Variants in LOXL1 observed in about 807,000 individuals in gnomAD.
LOXL1 encodes lysyl oxidase like 1, also known as lysyl oxidase homolog 1.
Under a neutral mutation model 62.2 loss-of-function variants are expected in LOXL1, and 31 were observed. The observed-to-expected ratio is 0.50, with a 90% CI of 0.37 to 0.67. The LOEUF (loss-of-function observed/expected upper bound fraction) is 0.67, where lower values mean the gene tolerates loss of function less well. Ranked by LOEUF, LOXL1 falls within the 30% of genes least tolerant of loss-of-function variation. The probability of loss-of-function intolerance (pLI) is 0.00; values close to 1 mark genes in which losing one functional copy is unlikely to be tolerated. For missense variants in LOXL1, 775 were observed against 843.4 expected (o/e 0.92, Z 1.00); for synonymous variants, 403 against 384.4 (o/e 1.05, Z -0.56).
chr15:73,930,599 G>A lies in LOXL1; in HGVS notation c.1102+2714G>A, dbSNP rs2068628878. 1.3e-5 allele frequency among the ~76,000 whole-genome samples: 2 copies of A among 152,154 alleles called. No homozygotes were observed. The highest frequency in any genetic ancestry group is 2.9e-5 in the Non-Finnish European group (2 of 68,018). Reference sequence around the variant, plus strand: ...CATTCCTCCTGGCCACACACCCAGGGGTCTGAGGCTGGGCGCTGGCAGCCT... The same window carrying A: ...CATTCCTCCTGGCCACACACCCAGGAGTCTGAGGCTGGGCGCTGGCAGCCT... On this transcript the variant is annotated intron_variant, in intron 1 of 6. Transcript: ENST00000261921. The surrounding 1 kb of genome is among the most constrained non-coding windows in gnomAD (Gnocchi z 4.7).
At chr15:73,929,113 G>A (rs1173691488) in intron 1 of LOXL1, among the ~76,000 whole-genome samples, 3 of 152,218 alleles carry the variant, frequency 2.0e-5, no homozygotes, top group South Asian at 2.1e-4. Context: ...AGTGCTGGAC[G>A]GCCATCAGCC....
At chr15:73,935,708 GT>G (rs965209887) in intron 1 of LOXL1, among the ~76,000 whole-genome samples, 1 of 152,182 alleles carries the variant, frequency 6.6e-6, no homozygotes, top group Non-Finnish European at 1.5e-5. Flanking sequence ...GGTTAGCATT[GT>G]CTGCCTCCCC....
In LOXL1 at chr15:73,927,040, G is replaced by T. The variant is rs900043835; in HGVS notation, c.257G>T (p.Arg86Leu). Residue 86 changes from arginine to leucine, a missense_variant, in exon 1 of 7, where the codon CGG becomes CTG. By Grantham distance (102) the Arg-to-Leu change is moderately radical. Coordinates refer to ENST00000261921, the MANE Select transcript of LOXL1 (RefSeq NM_005576.4). ...LLAGAPQAQQ[R>L]RSHGSPRRRQ... ...GCCGGCGCGCCCCAGGCCCAGCAGC[G>T]GCGCAGCCACGGGAGCCCCCGGCGT... The T allele has an allele frequency of 7.4e-6, 10 of 1,352,652 alleles. No individual in the cohort carries two copies. The African/African-American group carries it at 1.4e-4, about 19-fold the overall frequency. 83.8% of individuals were successfully genotyped at this position (1,352,652 alleles called of 1,614,324 possible).
In LOXL1 at chr15:73,930,800, C is replaced by A. The variant is rs1246964973; in HGVS notation, c.1102+2915C>A. On this transcript the variant is annotated intron_variant, in intron 1 of 6. Transcript: ENST00000261921. The surrounding 1 kb of genome is among the most constrained non-coding windows in gnomAD (Gnocchi z 4.7). ...CACTGAGACTGCCCAAGGCTTCCTG[C>A]AGTACCATTCTCTCCAACTCTGAAA... Among the ~76,000 whole-genome samples the A allele has an allele frequency of 6.6e-6, 1 of 152,174 alleles. No homozygotes were observed. Among genetic ancestry groups the A allele is most frequent in the Admixed American group, 6.5e-5 (1 of 15,280 alleles).
In LOXL1 at chr15:73,951,856, G is replaced by T. The variant is rs1304218997; in HGVS notation, c.*19G>T. On this transcript the variant is annotated 3_prime_UTR_variant, in exon 7 of 7. Transcript: ENST00000261921. ...ATCCTGATCTCCGGGAGGGACAGAT[G>T]GCCAATCTCTCCCCTTCCAAAGCAG... 2 of 1,537,728 alleles carry T rather than the reference G, an allele frequency of 1.3e-6. No homozygotes were observed. The highest frequency in any genetic ancestry group is 1.2e-5 in the South Asian group (1 of 82,328).
intron 1 of LOXL1, among the ~76,000 whole-genome samples, chr15:73,932,095 C>A (rs2068639128): frequency 6.6e-6 from 1 of 152,126 alleles, no homozygotes; most frequent in Non-Finnish European, 1.5e-5. Flanking sequence ...GTGAGATGAC[C>A]CAGGAGGATA....
rs13329473 is a variant in LOXL1, at chr15:73,947,184, C to G, written c.1467C>G (p.Phe489Leu). Residue 489 changes from phenylalanine (F) to leucine (L), a missense_variant, in exon 4 of 7, where the codon TTC becomes TTG. Transcript: ENST00000261921. ...SFCLEDSTCD[F>L]GNLKRYACTS... ...GCCTGGAGGACAGCACCTGTGACTTCGGCAACCTCAAGCGCTATGCATGCA... is the reference window on the plus strand; with the variant it reads ...GCCTGGAGGACAGCACCTGTGACTTGGGCAACCTCAAGCGCTATGCATGCA... The G allele has an allele frequency of 6.2e-7, 1 of 1,613,156 alleles. No individual in the cohort carries two copies. The highest frequency in any genetic ancestry group is 1.3e-5 in the African/African-American group (1 of 74,936).
chr15:73,950,972 G>A (rs2068780687), intron 6 of LOXL1, among the ~76,000 whole-genome samples: 1 of 152,230 alleles, frequency 6.6e-6, no homozygotes, highest in Admixed American at 6.5e-5. Flanking sequence ...TCCCATCACT[G>A]GCAGTTTGGC....
rs1179821495 is a variant in LOXL1 at position 73,927,260 on chromosome 15, G to C, written c.477G>C (p.Ser159=). The C allele has an allele frequency of 1.2e-6, 2 of 1,601,192 alleles. No homozygotes were observed. Among genetic ancestry groups the C allele is most frequent in the Non-Finnish European group, 1.7e-6 (2 of 1,177,498 alleles). The change falls in exon 1 of 7, where the codon TCG becomes TCC. Residue 159 remains serine (S), a synonymous_variant. Transcript: ENST00000261921. ...ACGGGGGCTCCGCCTCCTCGGTCTC[G>C]GCTTCGGCCTTCGCCAGCACCTACC... ...QRHGGSASSV[S]ASAFASTYRQ...
Position 73,927,780 on chromosome 15 carries a change from C to A in LOXL1, c.997C>A (p.Pro333Thr). ...PPRALEPPYL[P>T]VRSSDTPPPG... is the part of the protein sequence containing the mutation. ...GCGCGCGCTGGAGCCGCCCTACCTG[C>A]CGGTGCGCAGCTCCGACACGCCCCC... Residue 333 changes from proline to threonine, a missense_variant, in exon 1 of 7, where the codon CCG becomes ACG. By Grantham distance (38) the Pro-to-Thr change is conservative. Transcript: ENST00000261921. The A allele has an allele frequency of 7.0e-7, 1 of 1,426,610 alleles. No homozygotes were observed. Among genetic ancestry groups the A allele is most frequent in the Non-Finnish European group, 9.1e-7 (1 of 1,096,788 alleles). 88.4% of individuals were successfully genotyped at this position (1,426,610 alleles called of 1,614,324 possible).
intron 2 of LOXL1, 120 bp downstream of exon 2, chr15:73,943,082 C>A: frequency 1.3e-6 from 1 of 745,202 alleles, no homozygotes. Flanking sequence ...GCCAAGTGCC[C>A]CAGCCTCCCA....
chr15:73,946,630 C>A, intron 3 of LOXL1, 76 bp downstream of exon 3: 1 of 1,502,746 alleles, frequency 6.7e-7, no homozygotes, highest in Non-Finnish European at 9.0e-7. Flanking sequence ...GAGCTCCCCT[C>A]CCACCATGAG....
At position 73,927,783 on chromosome 15, in the gene LOXL1, G is replaced by T; in HGVS notation, c.1000G>T (p.Val334Leu). 2.1e-6 allele frequency: 3 copies of T among 1,422,250 alleles called. No homozygotes were observed. Among genetic ancestry groups the T allele is most frequent in the Non-Finnish European group, 2.7e-6 (3 of 1,095,022 alleles). The allele number at this position is 1,422,250 out of a possible 1,614,324, so 88.1% of individuals were successfully genotyped here. ...PRALEPPYLP[V>L]RSSDTPPPGG... is the part of the protein sequence containing the mutation. ...CGCGCTGGAGCCGCCCTACCTGCCGGTGCGCAGCTCCGACACGCCCCCGCC... is the reference window on the plus strand; with the variant it reads ...CGCGCTGGAGCCGCCCTACCTGCCGTTGCGCAGCTCCGACACGCCCCCGCC... The change falls in exon 1 of 7, where the codon GTG (valine) becomes TTG (leucine). Residue 334 changes from valine (V) to leucine (L), a missense_variant. Val to Leu is a conservative substitution (Grantham distance 32). Coordinates refer to ENST00000261921, the MANE Select transcript of LOXL1 (RefSeq NM_005576.4).
intron 1 of LOXL1, among the ~76,000 whole-genome samples, chr15:73,938,936 G>C (rs1237658306): frequency 6.6e-6 from 1 of 152,142 alleles, no homozygotes; most frequent in Non-Finnish European, 1.5e-5. Context: ...ACCTTCACCA[G>C]GTCCAGGATC....
In LOXL1 at chr15:73,942,870, C is replaced by T. The variant is rs746402997; in HGVS notation, c.1119C>T (p.Val373=). Residue 373 remains valine (V), a synonymous_variant, in exon 2 of 7, where the codon GTC becomes GTT. Transcript: ENST00000261921. ...NQNGRGLPDL[V]PDPNYVQAST... is the part of the protein sequence containing the mutation. ...CCACTCCAGGTCTCCCTGACTTGGT[C>T]CCAGACCCCAACTATGTGCAAGCAT... The T allele has an allele frequency of 6.2e-7, 1 of 1,613,556 alleles. No individual in the cohort carries two copies.
At position 73,927,706 on chromosome 15, in the gene LOXL1, G is replaced by A; in HGVS notation, c.923G>A (p.Gly308Asp). The change falls in exon 1 of 7, where the codon GGC becomes GAC. Residue 308 changes from glycine to aspartate, a missense_variant. Transcript: ENST00000261921. The part of the protein sequence containing the change: ...AQAHGGDPRL[G>D]WYPPYANPPP... ...GCCCATGGCGGAGACCCACGCCTGG[G>A]CTGGTACCCGCCCTACGCCAACCCG... is the stretch of plus-strand genomic sequence containing the variant. The A allele has an allele frequency of 6.8e-7, 1 of 1,478,108 alleles. No individual in the cohort carries two copies. The highest frequency in any genetic ancestry group is 8.9e-7 in the Non-Finnish European group (1 of 1,121,766). 91.6% of individuals were successfully genotyped at this position (1,478,108 alleles called of 1,614,324 possible). A position where few individuals can be genotyped will look rare whatever the true frequency, so the allele number is the denominator to read the frequency against.
Position 73,927,330 on chromosome 15 carries a change from C to G in LOXL1, c.547C>G (p.Pro183Ala). 1 of 1,603,498 alleles carries G rather than the reference C, an allele frequency of 6.2e-7. No individual in the cohort carries two copies. Among genetic ancestry groups the G allele is most frequent in the Non-Finnish European group, 8.5e-7 (1 of 1,176,546 alleles). Residue 183 changes from proline to alanine, a missense_variant, in exon 1 of 7, where the codon CCC becomes GCC. Physicochemically the swap from Pro to Ala is conservative, Grantham distance 27. Coordinates refer to ENST00000261921, the MANE Select transcript of LOXL1 (RefSeq NM_005576.4). ...GCAGCAGTTCCCCTACCCGCAGGCG[C>G]CCTTCGTCAGCCAGTACGAGAACTA... ...YPQQFPYPQA[P>A]FVSQYENYDP...
chr15:73,937,912 A>T (rs1239777768), intron 1 of LOXL1, among the ~76,000 whole-genome samples: 4 of 152,196 alleles, frequency 2.6e-5, no homozygotes, highest in African/African-American at 9.6e-5. Context: ...GCGTACCTTC[A>T]TCAGGCCCAG....
rs779333618 is a variant in LOXL1, at chr15:73,946,430, C to T, written c.1225C>T (p.Pro409Ser). ...EKCLASTAYA[P>S]EATDYDVRVL... The stretch of plus-strand genomic sequence containing the variant: ...CCGTCCCTGCAGCACAGCCTATGCC[C>T]CTGAGGCCACCGACTACGATGTGCG... The change falls in exon 3 of 7, where the codon CCT (proline) becomes TCT (serine). Residue 409 changes from proline (P) to serine (S), a missense_variant. Coordinates refer to ENST00000261921, the MANE Select transcript of LOXL1 (RefSeq NM_005576.4). 2 of 1,613,094 alleles carry T rather than the reference C, an allele frequency of 1.2e-6. No homozygotes were observed. The highest frequency in any genetic ancestry group is 1.1e-5 in the South Asian group (1 of 90,986).
Sources: gnomAD v4.1 joint callset for allele counts (sites outside exome capture counted in the v4.1 genomes callset) on GRCh38, gnomAD v4.1.1 for gene constraint, Gnocchi (gnomAD v3.1) non-coding constraint, MANE v1.5 for transcripts, NCBI Gene and HGNC (gene_info 2026-07-23, HGNC 2026-07-21) for gene names.